CRCP: variants seen among roughly 807,000 people sequenced by gnomAD.
CRCP encodes DNA-directed RNA polymerase III subunit RPC9.
In CRCP, 18 loss-of-function variants were observed where a neutral mutation model predicts 18.5. That is an observed-to-expected ratio of 0.97 (90% CI 0.67 to 1.44). CRCP has a LOEUF of 1.44. Among genes scored for constraint, CRCP ranks in the 40% most tolerant of loss-of-function variants. The probability of loss-of-function intolerance (pLI) is 0.00; values close to 1 mark genes in which losing one functional copy is unlikely to be tolerated. For synonymous variants in CRCP, 53 were observed against 62.9 expected, an observed-to-expected ratio of 0.84 and a Z score of 0.75; for missense variants, 130 against 176.4, an observed-to-expected ratio of 0.74 and a Z score of 1.49.
At chr7:66,149,348 TACAAAAAATA>T (rs1188088615) in intron 5 of CRCP, among the ~76,000 whole-genome samples, 2 of 151,914 alleles carry the variant, frequency 1.3e-5, no homozygotes, top group East Asian at 3.9e-4. Context: ...ACCCCATCTC[TACAAAAAATA>T]ATAAAAAATA....
Position 66,114,880 on chromosome 7 carries a change from G to C in CRCP, c.-83G>C, listed in dbSNP as rs1787205737. 1 of 1,608,642 alleles carries C rather than the reference G, an allele frequency of 6.2e-7. No homozygotes were observed. The highest frequency in any genetic ancestry group is 2.2e-5 in the East Asian group (1 of 44,654). ...CCTTGGCGCGCGGAGCTGGCACCTT[G>C]GCGCTGTTGGTGGCGGCGGAGACAG... On this transcript the variant is annotated 5_prime_UTR_variant, in exon 1 of 6. Coordinates refer to ENST00000395326, the MANE Select transcript of CRCP (RefSeq NM_014478.5).
intron 2 of CRCP, chr7:66,130,337 C>T (rs997489688): frequency 1.5e-4 from 28 of 187,644 alleles, no homozygotes; most frequent in Non-Finnish European, 2.9e-4. Flanking sequence ...ATCTCCTGAC[C>T]TCATGAACCG....
intron 5 of CRCP, among the ~76,000 whole-genome samples, chr7:66,146,365 G>T (rs1788299048): frequency 6.6e-6 from 1 of 152,000 alleles, no homozygotes; most frequent in Non-Finnish European, 1.5e-5. Flanking sequence ...CACTGGGCAC[G>T]CTGTGGCCGC....
At chr7:66,150,607 C>G (rs1444633551) in intron 5 of CRCP, 1 of 151,990 alleles carries the variant, frequency 6.6e-6, no homozygotes, top group Non-Finnish European at 1.5e-5. Flanking sequence ...TGTCACATGA[C>G]TTCCTGAACT....
Position 66,114,976 on chromosome 7 carries a change from T to C in CRCP, c.8+6T>C, listed in dbSNP as rs1787209559. 1 of 1,609,208 alleles carries C rather than the reference T, an allele frequency of 6.2e-7. No homozygotes were observed. The highest frequency in any genetic ancestry group is 1.7e-5 in the Admixed American group (1 of 59,804). ...AGGCGGGACGTCATGGAAGTGTAAG[T>C]CTTCTCGGGCGCGTCCCTTTTCGCC... On this transcript the variant is annotated splice_donor_region_variant and intron_variant, in intron 1 of 5. Transcript: ENST00000395326.
At chr7:66,124,718 C>CAT (rs1554332452) in intron 1 of CRCP, among the ~76,000 whole-genome samples, 62 of 150,148 alleles carry the variant, frequency 4.1e-4, no homozygotes, top group Admixed American at 6.0e-4. Context: ...AGCTTTCTCT[C>CAT]CATACACAGG....
chr7:66,127,927 A>G (rs981850191), intron 2 of CRCP, among the ~76,000 whole-genome samples, 187 bp downstream of exon 2: 3 of 152,102 alleles, frequency 2.0e-5, no homozygotes, highest in Non-Finnish European at 2.9e-5. Flanking sequence ...CCTGGCCAAC[A>G]TGGTGAAACC....
chr7:66,130,660 C>T, intron 2 of CRCP, 84 bp from the exon 3 acceptor site: 1 of 752,476 alleles, frequency 1.3e-6, no homozygotes. Flanking sequence ...CTATACTTTC[C>T]TGTTTATCCT....
At chr7:66,123,211 C>T (rs375230375) in intron 1 of CRCP, among the ~76,000 whole-genome samples, 1 of 152,096 alleles carries the variant, frequency 6.6e-6, no homozygotes, top group African/African-American at 2.4e-5. Flanking sequence ...GACTTGGCCT[C>T]CCAAAGTGCC....
chr7:66,138,413 C>T (rs118091668), intron 4 of CRCP, among the ~76,000 whole-genome samples: 2,347 of 151,744 alleles, frequency 0.015, 62 homozygotes, highest in East Asian at 0.093. Flanking sequence ...AATTTTAATC[C>T]GCTATCACTC....
Position 66,152,196 on chromosome 7 carries a change from T to G in CRCP, c.298-12T>G. The G allele has an allele frequency of 6.2e-7, 1 of 1,613,932 alleles. No homozygotes were observed. The highest frequency in any genetic ancestry group is 1.1e-5 in the South Asian group (1 of 91,076). ...CATTTGTAACCCTGGAGGATTTTCT[T>G]TCCTTCTGCAGATGGTGGAAGAGAG... On this transcript the variant is annotated splice_polypyrimidine_tract_variant and intron_variant, in intron 5 of 5. Transcript: ENST00000395326.
At position 66,152,466 on chromosome 7, in the gene CRCP, G is replaced by A. The variant is rs545696734; in HGVS notation, c.*109G>A. On this transcript the variant is annotated 3_prime_UTR_variant, in exon 6 of 6. Coordinates refer to ENST00000395326, the MANE Select transcript of CRCP (RefSeq NM_014478.5). ...TTTTTATCCTCATCCCAGCAGGCCT[G>A]GCTTTGTGGTTAGTTGGGTACATCA... 7.8e-7 allele frequency: 1 copy of A among 1,280,734 alleles called. No homozygotes were observed. The highest frequency in any genetic ancestry group is 2.3e-5 in the Admixed American group (1 of 43,292). The allele number at this position is 1,280,734 out of a possible 1,614,324, so 79.3% of individuals were successfully genotyped here. A position where few individuals can be genotyped will look rare whatever the true frequency, so the allele number is the denominator to read the frequency against.
chr7:66,124,091 G>C (rs1584065056), intron 1 of CRCP, among the ~76,000 whole-genome samples: 1 of 115,320 alleles, frequency 8.7e-6, no homozygotes, highest in South Asian at 3.0e-4. Flanking sequence ...GCCATGCCCA[G>C]TGGCTCACTC....
chr7:66,151,547 G>A (rs1016181561), intron 5 of CRCP, among the ~76,000 whole-genome samples: 2 of 151,634 alleles, frequency 1.3e-5, no homozygotes, highest in South Asian at 4.2e-4. Flanking sequence ...CCAGCCTGGC[G>A]ACAGAGCAAG....
chr7:66,146,972 G>A (rs1788317110), intron 5 of CRCP, among the ~76,000 whole-genome samples: 1 of 152,192 alleles, frequency 6.6e-6, no homozygotes, highest in African/African-American at 2.4e-5. Flanking sequence ...GAGAAGAGAT[G>A]AGGATTAGTG....
At chr7:66,152,084 G>T in intron 5 of CRCP, 124 bp from the exon 6 acceptor site, 1 of 1,041,416 alleles carries the variant, frequency 9.6e-7, no homozygotes. Context: ...GAGGACTCAC[G>T]AGGACCCAGG....
intron 1 of CRCP, 96 bp downstream of exon 1, chr7:66,115,066 T>C (rs1787213384): frequency 6.5e-7 from 1 of 1,528,956 alleles, no homozygotes; most frequent in South Asian, 1.2e-5. Flanking sequence ...TGGGCGACCC[T>C]CGTACGGGAG....
At chr7:66,124,520 C>G (rs962713556) in intron 1 of CRCP, among the ~76,000 whole-genome samples, 2 of 141,064 alleles carry the variant, frequency 1.4e-5, no homozygotes, top group African/African-American at 5.2e-5. Flanking sequence ...CCCTTCCTTC[C>G]TTCCTCCCTC....
intron 1 of CRCP, chr7:66,126,671 A>G: frequency 2.4e-6 from 1 of 423,616 alleles, no homozygotes; most frequent in Non-Finnish European, 4.7e-6. Context: ...GAACTATTCT[A>G]AACTTTTAAA....
Sources: gnomAD v4.1 joint callset for allele counts (sites outside exome capture counted in the v4.1 genomes callset) on GRCh38, gnomAD v4.1.1 for gene constraint, MANE v1.5 for transcripts, NCBI Gene and HGNC (gene_info 2026-07-23, HGNC 2026-07-21) for gene names.